Variants in YPEL2 observed in about 807,000 individuals in gnomAD.
The protein encoded by YPEL2 is yippee like 2, also known as protein yippee-like 2.
YPEL2 carries 2 observed loss-of-function variants against 19.1 expected under a neutral mutation model. The observed-to-expected ratio is 0.10, with a 90% CI of 0.04 to 0.33. The LOEUF is 0.33. Among genes scored for constraint, YPEL2 ranks in the 10% least tolerant of loss-of-function variants. YPEL2 has a pLI of 1.00. For missense variants in YPEL2, 66 were observed against 140.7 expected (o/e 0.47, Z 2.68); for synonymous variants, 52 against 50.0 (o/e 1.04, Z -0.17).
rs766820334 is a variant in YPEL2 at position 59,389,348 on chromosome 17, G to T, written c.162-12G>T. Reference sequence around the variant, plus strand: ...CTAACTACCCACTCTCTCTTCTTGTGCCTCGACATAGAGTTAATGTGGGCT... The same window carrying T: ...CTAACTACCCACTCTCTCTTCTTGTTCCTCGACATAGAGTTAATGTGGGCT... On this transcript the variant is annotated splice_polypyrimidine_tract_variant and intron_variant, in intron 3 of 4. Coordinates refer to ENST00000312655, the MANE Select transcript of YPEL2 (RefSeq NM_001005404.4). 3.7e-6 allele frequency: 6 copies of T among 1,611,490 alleles called. No individual in the cohort carries two copies. The highest frequency in any genetic ancestry group is 2.2e-5 in the East Asian group (1 of 44,830).
At chr17:59,382,318 G>A (rs1194253957) in intron 2 of YPEL2, among the ~76,000 whole-genome samples, 3 of 152,170 alleles carry the variant, frequency 2.0e-5, no homozygotes, top group Admixed American at 2.0e-4. Context: ...AGAAGCCATG[G>A]GCCCTTGGAG....
At chr17:59,382,282 G>A (rs1053634131) in intron 2 of YPEL2, among the ~76,000 whole-genome samples, 1 of 152,230 alleles carries the variant, frequency 6.6e-6, no homozygotes, top group Non-Finnish European at 1.5e-5. Flanking sequence ...GCCTCTCCCC[G>A]CAGACTCTCT....
At chr17:59,349,442 C>T (rs535896374) in intron 1 of YPEL2, among the ~76,000 whole-genome samples, 1 of 145,018 alleles carries the variant, frequency 6.9e-6, no homozygotes, top group African/African-American at 2.5e-5. Context: ...TCAAGTGATT[C>T]ACCTGCCTCA....
chr17:59,356,872 C>G (rs1047104530), intron 2 of YPEL2, among the ~76,000 whole-genome samples: 1 of 152,196 alleles, frequency 6.6e-6, no homozygotes, highest in African/African-American at 2.4e-5. Flanking sequence ...TAATCCCATT[C>G]ACAAGAGCTT....
At chr17:59,396,119 T>G (rs761724126) in intron 4 of YPEL2, among the ~76,000 whole-genome samples, 1 of 152,228 alleles carries the variant, frequency 6.6e-6, no homozygotes, top group African/African-American at 2.4e-5. Context: ...GGTTTTCTTA[T>G]GTTCTTAGAA....
chr17:59,373,562 A>G (rs192193773), intron 2 of YPEL2, among the ~76,000 whole-genome samples: 1 of 152,180 alleles, frequency 6.6e-6, no homozygotes, highest in Non-Finnish European at 1.5e-5. Context: ...TGGACTAGCT[A>G]TATACTCTCT....
chr17:59,384,554 C>T (rs981321463), intron 2 of YPEL2, among the ~76,000 whole-genome samples: 1 of 152,218 alleles, frequency 6.6e-6, no homozygotes, highest in Non-Finnish European at 1.5e-5. Flanking sequence ...CACAGTGGAG[C>T]CCCTTTCTTC....
intron 2 of YPEL2, among the ~76,000 whole-genome samples, chr17:59,383,450 T>C (rs1414977674): frequency 1.3e-5 from 2 of 149,034 alleles, no homozygotes; most frequent in African/African-American, 4.9e-5. Context: ...TACAAAAAAT[T>C]AGCTGGGCGT....
chr17:59,333,634 A>C (rs1395115962), intron 1 of YPEL2, among the ~76,000 whole-genome samples: 2 of 152,194 alleles, frequency 1.3e-5, no homozygotes, highest in African/African-American at 4.8e-5. Flanking sequence ...TTCATTTAAA[A>C]AAATCAACTG....
chr17:59,363,189 A>G (rs949828993), intron 2 of YPEL2: 8 of 152,136 alleles, frequency 5.3e-5, no homozygotes, highest in African/African-American at 1.2e-4. Context: ...GGGTCTCGCT[A>G]TGTTGCCTAG....
At chr17:59,394,055 G>C (rs887500480) in intron 4 of YPEL2, among the ~76,000 whole-genome samples, 2 of 152,092 alleles carry the variant, frequency 1.3e-5, no homozygotes, top group Non-Finnish European at 2.9e-5. Flanking sequence ...GGTGGTGGCC[G>C]GGCAGAGGGG....
chr17:59,368,438 AG>A (rs1231130026), intron 2 of YPEL2, among the ~76,000 whole-genome samples: 42 of 152,344 alleles, frequency 2.8e-4, no homozygotes, highest in African/African-American at 9.6e-4. Flanking sequence ...ATAGATAAAC[AG>A]TGATAAAATG....
In YPEL2 at chr17:59,344,899, G is replaced by A. The variant is rs193230199; in HGVS notation, c.-195-8316G>A. On this transcript the variant is annotated intron_variant, in intron 1 of 4. Coordinates refer to ENST00000312655, the MANE Select transcript of YPEL2 (RefSeq NM_001005404.4). ...GCTCTTCCATCCCTCTAGAGCAGTG[G>A]TCCCCAACCTTTTGGCACCAGGGAC... Among the ~76,000 whole-genome samples, 35 of 152,348 alleles carry A rather than the reference G, an allele frequency of 2.3e-4. No homozygotes were observed. The East Asian group carries it at 6.4e-3, about 28-fold the overall frequency.
intron 2 of YPEL2, 119 bp from the exon 3 acceptor site, chr17:59,388,208 A>G: frequency 1.0e-6 from 1 of 955,298 alleles, no homozygotes. Context: ...TAACTGGCTC[A>G]GTACTCCCTT....
At chr17:59,380,312 T>C (rs7223665) in intron 2 of YPEL2, among the ~76,000 whole-genome samples, 77,106 of 143,142 alleles carry the variant, frequency 0.54, 21,540 homozygotes, top group East Asian at 0.66. Context: ...AGTCTCGCTG[T>C]GTCTCCCAGG....
rs553936945 is a variant in YPEL2 at position 59,396,036 on chromosome 17, G to A, written c.271-1065G>A. On this transcript the variant is annotated intron_variant, in intron 4 of 4. Coordinates refer to ENST00000312655, the MANE Select transcript of YPEL2 (RefSeq NM_001005404.4). ...ACGGAGCTTGTAGTGAGCCGAGATT[G>A]CACCACTGCACTCCAGCCTGGGCGA... is the stretch of plus-strand genomic sequence containing the variant. Among the ~76,000 whole-genome samples, 9 of 152,182 alleles carry A rather than the reference G, an allele frequency of 5.9e-5. No homozygotes were observed. In the East Asian group the frequency reaches 1.7e-3, roughly 29 times the overall value.
intron 2 of YPEL2, chr17:59,356,181 T>A (rs935194481): frequency 6.6e-6 from 1 of 152,066 alleles, no homozygotes; most frequent in Admixed American, 6.6e-5. Context: ...AGTTTCAGAA[T>A]CTGCCCAGTG....
intron 2 of YPEL2, among the ~76,000 whole-genome samples, chr17:59,380,698 G>A (rs1567754893): frequency 2.0e-5 from 3 of 152,224 alleles, no homozygotes; most frequent in South Asian, 4.1e-4. Context: ...CTAGTATACA[G>A]TACAACAAGG....
chr17:59,380,027 A>T (rs894833699), intron 2 of YPEL2, among the ~76,000 whole-genome samples: 1 of 150,632 alleles, frequency 6.6e-6, no homozygotes, highest in African/African-American at 2.4e-5. Flanking sequence ...CGCCCAGCTA[A>T]TTTTTGTATT....
Sources: gnomAD v4.1 joint callset for allele counts (sites outside exome capture counted in the v4.1 genomes callset) on GRCh38, gnomAD v4.1.1 for gene constraint, MANE v1.5 for transcripts, NCBI Gene and HGNC (gene_info 2026-07-23, HGNC 2026-07-21) for gene names.